Variants in C3AR1 observed in about 807,000 individuals in gnomAD.
The protein encoded by C3AR1 is complement C3a receptor 1, also known as C3a anaphylatoxin chemotactic receptor.
For missense variants in C3AR1, 579 were observed against 583.5 expected, an observed-to-expected ratio of 0.99 and a Z score of 0.08; for synonymous variants, 208 against 225.3, an observed-to-expected ratio of 0.92 and a Z score of 0.69.
intron 1 of C3AR1, among the ~76,000 whole-genome samples, chr12:8,064,689 CA>C (rs59800369): frequency 1.2e-3 from 160 of 129,256 alleles, no homozygotes; most frequent in Non-Finnish European, 1.2e-3. Context: ...AACTCCATCT[CA>C]AAAAAAAAAA....
At position 8,058,776 on chromosome 12, in the gene C3AR1, T is replaced by G. The variant is rs937015308; in HGVS notation, c.1410A>C (p.Ser470=). 3.7e-6 allele frequency: 6 copies of G among 1,613,668 alleles called. No homozygotes were observed. The highest frequency in any genetic ancestry group is 5.1e-6 in the Non-Finnish European group (6 of 1,179,800). The part of the protein sequence containing the change: ...EELTRSTHCP[S]NNVISERNST... The stretch of plus-strand genomic sequence containing the variant: ...TATTTCTTTCTGAAATGACATTGTT[T>G]GAGGGACAGTGGGTGGAACGTGTGA... The change falls in exon 2 of 2, where the codon TCA becomes TCC. Residue 470 remains serine (S), a synonymous_variant. Coordinates refer to ENST00000307637, the MANE Select transcript of C3AR1 (RefSeq NM_004054.4).
At chr12:8,060,227 AC>A in intron 1 of C3AR1, 32 bp from the exon 2 acceptor site, 1 of 1,518,302 alleles carries the variant, frequency 6.6e-7, no homozygotes, top group Non-Finnish European at 8.9e-7. Context: ...GTTAAAACAA[AC>A]AGTATCTTTT....
At position 8,058,833 on chromosome 12, in the gene C3AR1, C is replaced by T; in HGVS notation, c.1353G>A (p.Gln451=). The T allele has an allele frequency of 6.2e-7, 1 of 1,614,162 alleles. No homozygotes were observed. The highest frequency in any genetic ancestry group is 1.1e-5 in the South Asian group (1 of 91,082). The change falls in exon 2 of 2, where the codon CAG becomes CAA. Residue 451 remains glutamine, a synonymous_variant. Coordinates refer to ENST00000307637, the MANE Select transcript of C3AR1 (RefSeq NM_004054.4). The part of the protein sequence containing the change: ...DFRKKARQSI[Q]GILEAAFSEE... ...CACTGAAGGCTGCCTCCAGAATTCC[C>T]TGAATGGACTGCCTTGCTTTCTTCC...
chr12:8,062,450 C>T (rs1947283911), intron 1 of C3AR1, among the ~76,000 whole-genome samples: 1 of 152,110 alleles, frequency 6.6e-6, no homozygotes, highest in Non-Finnish European at 1.5e-5. Context: ...CAGGCACGAA[C>T]CACCATGCCC....
In C3AR1 at chr12:8,056,955, G is replaced by A. The variant is rs1947195800; in HGVS notation, c.*1782C>T. 6.6e-6 allele frequency among the ~76,000 whole-genome samples: 1 copy of A among 152,186 alleles called. No homozygotes were observed. Among genetic ancestry groups the A allele is most frequent in the African/African-American group, 2.4e-5 (1 of 41,450 alleles). ...GGAAAGGTAGCACTTCAAATCTTATGTCAGACATTCTTCACAACTGAAAGA... is the reference window on the plus strand; with the variant it reads ...GGAAAGGTAGCACTTCAAATCTTATATCAGACATTCTTCACAACTGAAAGA... On this transcript the variant is annotated 3_prime_UTR_variant, in exon 2 of 2. Coordinates refer to ENST00000307637, the MANE Select transcript of C3AR1 (RefSeq NM_004054.4).
At chr12:8,063,653 A>G (rs1947299402) in intron 1 of C3AR1, among the ~76,000 whole-genome samples, 1 of 152,142 alleles carries the variant, frequency 6.6e-6, no homozygotes, top group Admixed American at 6.5e-5. Flanking sequence ...CTTGTACAAT[A>G]ATTATAATGG....
At chr12:8,061,894 A>G (rs1367666414) in intron 1 of C3AR1, among the ~76,000 whole-genome samples, 1 of 152,240 alleles carries the variant, frequency 6.6e-6, no homozygotes, top group Admixed American at 6.5e-5. Context: ...TTCATCTTAC[A>G]AAACTGAAAA....
At chr12:8,062,577 T>A (rs1305720945) in intron 1 of C3AR1, among the ~76,000 whole-genome samples, 1 of 152,234 alleles carries the variant, frequency 6.6e-6, no homozygotes, top group Non-Finnish European at 1.5e-5. Context: ...TTTAGCATAA[T>A]TTCTCTTTTT....
rs1239361327 is a variant in C3AR1, at chr12:8,059,247, A to G, written c.939T>C (p.Gly313=). Residue 313 remains glycine (G), a synonymous_variant, in exon 2 of 2, where the codon GGT becomes GGC. Transcript: ENST00000307637. Reference sequence around the variant, plus strand: ...GGCCTAAATTGTAATAATCCTGGAAACCTTGTGGTAGCTCAGACTCGTAGA... The same window carrying G: ...GGCCTAAATTGTAATAATCCTGGAAGCCTTGTGGTAGCTCAGACTCGTAGA... The part of the protein sequence containing the change: ...NSFYESELPQ[G]FQDYYNLGQF... 5.0e-6 allele frequency: 8 copies of G among 1,614,028 alleles called. No homozygotes were observed. The African/African-American group carries it at 6.7e-5, about 13-fold the overall frequency.
Position 8,059,029 on chromosome 12 carries a change from AAGAC to A in C3AR1, c.1153_1156del (p.Val385PhefsTer28). On this transcript the variant is annotated frameshift_variant, in exon 2 of 2. Coordinates refer to ENST00000307637, the MANE Select transcript of C3AR1 (RefSeq NM_004054.4). LOFTEE classifies it low-confidence loss of function (END_TRUNC). ...GTGGTATGGAGTCCAGCAGACAAGA[AAGAC>A]AGCCACCACCACCACGGCCACTCGA... 6.2e-7 allele frequency: 1 copy of A among 1,614,198 alleles called. No homozygotes were observed. The highest frequency in any genetic ancestry group is 1.6e-4 in the Middle Eastern group (1 of 6,062).
rs1332860490 is a variant in C3AR1 at position 8,058,075 on chromosome 12, CTCTATGTAATAGTGGAAAT to C, written c.*643_*661del. Among the ~76,000 whole-genome samples, 1 of 152,168 alleles carries C rather than the reference CTCTATGTAATAGTGGAAAT, an allele frequency of 6.6e-6. No homozygotes were observed. The highest frequency in any genetic ancestry group is 2.4e-5 in the African/African-American group (1 of 41,436). On this transcript the variant is annotated 3_prime_UTR_variant, in exon 2 of 2. Coordinates refer to ENST00000307637, the MANE Select transcript of C3AR1 (RefSeq NM_004054.4). ...GCTTATTTAGTTGTAATAGTGGAAA[CTCTATGTAATAGTGGAAAT>C]TTCTATATCCTGTACCCAGGGGTGT...
intron 1 of C3AR1, 111 bp from the exon 2 acceptor site, chr12:8,060,306 A>G: frequency 1.1e-6 from 1 of 879,604 alleles, no homozygotes; most frequent in Non-Finnish European, 1.8e-6. Flanking sequence ...TGAAACCAGA[A>G]GGTCCTCACG....
At chr12:8,061,418 G>A (rs752914831) in intron 1 of C3AR1, among the ~76,000 whole-genome samples, 25 of 151,936 alleles carry the variant, frequency 1.6e-4, no homozygotes, top group Non-Finnish European at 2.5e-4. Flanking sequence ...ATGGCTAGAA[G>A]CCTTCTAATA....
In C3AR1 at chr12:8,058,831, C is replaced by T. The variant is rs1319484831; in HGVS notation, c.1355G>A (p.Gly452Glu). The change falls in exon 2 of 2, where the codon GGA (glycine) becomes GAA (glutamate). Residue 452 changes from glycine (G) to glutamate (E), a missense_variant. Gly to Glu is a moderately conservative substitution (Grantham distance 98). Transcript: ENST00000307637. ...CTCACTGAAGGCTGCCTCCAGAATT[C>T]CCTGAATGGACTGCCTTGCTTTCTT... ...FRKKARQSIQ[G>E]ILEAAFSEEL... is the part of the protein sequence containing the mutation. The T allele has an allele frequency of 3.1e-6, 5 of 1,614,048 alleles. No homozygotes were observed. Among genetic ancestry groups the T allele is most frequent in the Non-Finnish European group, 4.2e-6 (5 of 1,180,040 alleles).
chr12:8,059,741 C>T lies in C3AR1; in HGVS notation c.445G>A (p.Val149Met). The T allele has an allele frequency of 6.2e-7, 1 of 1,614,128 alleles. No homozygotes were observed. Among genetic ancestry groups the T allele is most frequent in the Middle Eastern group, 1.6e-4 (1 of 6,062 alleles). Residue 149 changes from valine (V) to methionine (M), a missense_variant, in exon 2 of 2, where the codon GTG becomes ATG. Coordinates refer to ENST00000307637, the MANE Select transcript of C3AR1 (RefSeq NM_004054.4). Reference sequence around the variant, plus strand: ...ACAGGAATGCACATCACAAAAGCCACCACCCAGATACATCCACAGATAGAG... The same window carrying T: ...ACAGGAATGCACATCACAAAAGCCATCACCCAGATACATCCACAGATAGAG... ...ACSICGCIWV[V>M]AFVMCIPVFV...
At chr12:8,063,863 G>C (rs1372894274) in intron 1 of C3AR1, among the ~76,000 whole-genome samples, 1 of 152,128 alleles carries the variant, frequency 6.6e-6, no homozygotes. Context: ...CTTGGGGCTA[G>C]GAGTTCAAGA....
At position 8,058,089 on chromosome 12, in the gene C3AR1, G is replaced by A. The variant is rs1947212428; in HGVS notation, c.*648C>T. Among the ~76,000 whole-genome samples, 1 of 152,176 alleles carries A rather than the reference G, an allele frequency of 6.6e-6. No individual in the cohort carries two copies. Reference sequence around the variant, plus strand: ...AATAGTGGAAACTCTATGTAATAGTGGAAATTTCTATATCCTGTACCCAGG... The same window carrying A: ...AATAGTGGAAACTCTATGTAATAGTAGAAATTTCTATATCCTGTACCCAGG... On this transcript the variant is annotated 3_prime_UTR_variant, in exon 2 of 2. Coordinates refer to ENST00000307637, the MANE Select transcript of C3AR1 (RefSeq NM_004054.4).
In C3AR1 at chr12:8,059,816, C is replaced by T. The variant is rs938770801; in HGVS notation, c.370G>A (p.Val124Ile). 13 of 1,614,006 alleles carry T rather than the reference C, an allele frequency of 8.1e-6. No individual in the cohort carries two copies. The highest frequency in any genetic ancestry group is 4.0e-5 in the African/African-American group (3 of 74,904). The change falls in exon 2 of 2, where the codon GTA becomes ATA. Residue 124 changes from valine (V) to isoleucine (I), a missense_variant. Val to Ile is a conservative substitution (Grantham distance 29). Coordinates refer to ENST00000307637, the MANE Select transcript of C3AR1 (RefSeq NM_004054.4). Reference sequence around the variant, plus strand: ...TTCTGACACCAGATTGGCTTGAATACCACAAGACAGCGATCCAGGCTAATG... The same window carrying T: ...TTCTGACACCAGATTGGCTTGAATATCACAAGACAGCGATCCAGGCTAATG... The part of the protein sequence containing the change: ...TAISLDRCLV[V>I]FKPIWCQNHR...
At chr12:8,065,022 C>A (rs1482109269) in intron 1 of C3AR1, among the ~76,000 whole-genome samples, 2 of 151,828 alleles carry the variant, frequency 1.3e-5, no homozygotes, top group East Asian at 3.9e-4. Context: ...CCTACGTTTT[C>A]TCTGCTTTTA....
Sources: gnomAD v4.1 joint callset for allele counts (sites outside exome capture counted in the v4.1 genomes callset) on GRCh38, gnomAD v4.1.1 for gene constraint, MANE v1.5 for transcripts, NCBI Gene and HGNC (gene_info 2026-07-23, HGNC 2026-07-21) for gene names.